TAX1BP1: variants seen among roughly 807,000 people sequenced by gnomAD.
TAX1BP1 encodes tax1-binding protein 1.
A neutral mutation model predicts 97.7 loss-of-function variants in TAX1BP1; 62 were observed. The observed-to-expected ratio is 0.63, with a 90% CI of 0.52 to 0.78. TAX1BP1 has a LOEUF of 0.78. TAX1BP1 is among the 30% of genes least tolerant of loss of function. The probability of loss-of-function intolerance (pLI) is 0.00; values close to 1 mark genes in which losing one functional copy is unlikely to be tolerated. For synonymous variants in TAX1BP1, 340 were observed against 304.2 expected (o/e 1.12, Z -1.23); for missense variants, 867 against 916.1 (o/e 0.95, Z 0.69).
intron 1 of TAX1BP1, among the ~76,000 whole-genome samples, chr7:27,742,755 C>T (rs188235373): frequency 2.0e-5 from 3 of 152,264 alleles, no homozygotes; most frequent in Admixed American, 6.5e-5. Flanking sequence ...TGTGAGCCAC[C>T]GCACCCAGCC....
intron 15 of TAX1BP1, among the ~76,000 whole-genome samples, chr7:27,819,778 C>A (rs1354160635): frequency 6.6e-6 from 1 of 152,144 alleles, no homozygotes; most frequent in Non-Finnish European, 1.5e-5. Context: ...GTAAGTCTAA[C>A]CATTGTATGT....
intron 3 of TAX1BP1, chr7:27,758,437 C>T (rs937544294): frequency 2.7e-5 from 5 of 182,886 alleles, no homozygotes; most frequent in African/African-American, 4.7e-5. Context: ...ATAGTAATAA[C>T]AGATATTAGA....
chr7:27,825,927 C>T (rs758268504), intron 15 of TAX1BP1, among the ~76,000 whole-genome samples: 6 of 152,058 alleles, frequency 3.9e-5, no homozygotes, highest in Non-Finnish European at 8.8e-5. Flanking sequence ...TTTATCTTTT[C>T]CAATTATTTT....
chr7:27,821,722 T>G (rs1158904540), intron 15 of TAX1BP1, among the ~76,000 whole-genome samples: 1 of 152,064 alleles, frequency 6.6e-6, no homozygotes, highest in African/African-American at 2.4e-5. Context: ...AGTATACAAT[T>G]TAGTGGTTTT....
At chr7:27,771,301 A>G (rs1788841485) in intron 5 of TAX1BP1, among the ~76,000 whole-genome samples, 1 of 148,258 alleles carries the variant, frequency 6.7e-6, no homozygotes, top group Non-Finnish European at 1.5e-5. Flanking sequence ...TCAAGGTGAG[A>G]TAGATGACTC....
rs533970668 is a variant in TAX1BP1, at chr7:27,740,170, G to A, written c.-107G>A. 2.0e-5 allele frequency: 3 copies of A among 152,638 alleles called. No homozygotes were observed. The highest frequency in any genetic ancestry group is 4.1e-4 in the South Asian group (2 of 4,840). 9.5% of individuals were successfully genotyped at this position (152,638 alleles called of 1,614,324 possible). Reference sequence around the variant, plus strand: ...GGAGGGGAGGTGTAGCCGGTCTTTGGGGGTAGGCGGTAGTGGCGGAAGAGG... The same window carrying A: ...GGAGGGGAGGTGTAGCCGGTCTTTGAGGGTAGGCGGTAGTGGCGGAAGAGG... On this transcript the variant is annotated 5_prime_UTR_variant, in exon 1 of 17. Coordinates refer to ENST00000396319, the MANE Select transcript of TAX1BP1 (RefSeq NM_006024.7).
At chr7:27,787,663 A>C (rs534397233) in intron 8 of TAX1BP1, 60 bp downstream of exon 8, 168 of 1,386,720 alleles carry the variant, frequency 1.2e-4, no homozygotes, top group Non-Finnish European at 1.5e-4. Context: ...AATGTATGCA[A>C]TATGATTTTC....
chr7:27,765,118 C>T (rs947462030), intron 3 of TAX1BP1, among the ~76,000 whole-genome samples: 4 of 144,428 alleles, frequency 2.8e-5, no homozygotes, highest in Admixed American at 7.0e-5. Context: ...TGGGCTCAAG[C>T]GATCCTCCCG....
At chr7:27,821,528 G>A (rs530977738) in intron 15 of TAX1BP1, among the ~76,000 whole-genome samples, 58 of 152,016 alleles carry the variant, frequency 3.8e-4, no homozygotes, top group African/African-American at 1.3e-3. Flanking sequence ...CCAGCTACTT[G>A]GAAGGCTGAG....
chr7:27,746,272 ATAT>A (rs1403357487), intron 1 of TAX1BP1, among the ~76,000 whole-genome samples: 3 of 152,052 alleles, frequency 2.0e-5, no homozygotes, highest in African/African-American at 7.2e-5. Context: ...TCATAGAAAA[ATAT>A]TATTCTCTTA....
intron 1 of TAX1BP1, among the ~76,000 whole-genome samples, chr7:27,748,266 TG>T (rs1412709085): frequency 3.3e-5 from 5 of 152,224 alleles, no homozygotes; most frequent in African/African-American, 1.2e-4. Context: ...AGTTAATTTT[TG>T]GTTTTGGTTT....
intron 5 of TAX1BP1, chr7:27,772,150 T>A (rs1212222215): frequency 1.1e-5 from 1 of 91,260 alleles, no homozygotes; most frequent in African/African-American, 5.5e-5. Context: ...AATGGACTTT[T>A]AGTTTTTTTT....
intron 5 of TAX1BP1, among the ~76,000 whole-genome samples, chr7:27,777,748 G>A (rs1789086887): frequency 6.6e-6 from 1 of 152,158 alleles, no homozygotes; most frequent in South Asian, 2.1e-4. Context: ...TTCTGCCTGA[G>A]TTTGCCTCTT....
intron 13 of TAX1BP1, among the ~76,000 whole-genome samples, chr7:27,801,940 A>G (rs1299220263): frequency 6.6e-6 from 1 of 152,226 alleles, no homozygotes; most frequent in Non-Finnish European, 1.5e-5. Context: ...GGGGGAAGAC[A>G]TTATGGAGTA....
chr7:27,817,138 ATGCGTGTG>A (rs2128325181), intron 15 of TAX1BP1, 100 bp downstream of exon 15: 3 of 1,382,252 alleles, frequency 2.2e-6, no homozygotes, highest in Non-Finnish European at 2.9e-6. Context: ...TTGTGCGTGC[ATGCGTGTG>A]TGTGGAAGGA....
chr7:27,790,585 T>C (rs1335316255), intron 8 of TAX1BP1, among the ~76,000 whole-genome samples: 2 of 152,090 alleles, frequency 1.3e-5, no homozygotes, highest in African/African-American at 4.8e-5. Flanking sequence ...TAAATTCTCA[T>C]GTTGGTAGAC....
intron 1 of TAX1BP1, among the ~76,000 whole-genome samples, chr7:27,743,300 AGTT>A (rs1346311826): frequency 2.0e-5 from 3 of 152,138 alleles, no homozygotes; most frequent in Admixed American, 1.3e-4. Flanking sequence ...GTCTGTTGAG[AGTT>A]GTTAGTCTTT....
intron 15 of TAX1BP1, 129 bp downstream of exon 15, chr7:27,817,167 T>A: frequency 8.8e-7 from 1 of 1,133,346 alleles, no homozygotes; most frequent in Non-Finnish European, 1.2e-6. Context: ...GAGTGTGTGC[T>A]TGTGCCTGCA....
At chr7:27,817,772 T>C (rs1355602474) in intron 15 of TAX1BP1, among the ~76,000 whole-genome samples, 1 of 152,216 alleles carries the variant, frequency 6.6e-6, no homozygotes, top group East Asian at 1.9e-4. Flanking sequence ...TTGGATTTCC[T>C]GTGCATTAAG....
Sources: allele counts gnomAD v4.1 joint callset (sites outside exome capture counted in the v4.1 genomes callset), GRCh38; gene constraint gnomAD v4.1.1; transcripts MANE v1.5; gene names NCBI Gene and HGNC (gene_info 2026-07-23, HGNC 2026-07-21).